CTSH: variants seen among roughly 807,000 people sequenced by gnomAD.
CTSH encodes the protein pro-cathepsin H.
Under a neutral mutation model 56.3 loss-of-function variants are expected in CTSH, and 52 were observed. That is an observed-to-expected ratio of 0.92 (90% CI 0.74 to 1.16). The LOEUF is 1.16. Ranked by LOEUF, CTSH falls within the 50% of genes most tolerant of loss-of-function variation. The probability of loss-of-function intolerance (pLI) is 0.00; values close to 1 mark genes in which losing one functional copy is unlikely to be tolerated. For missense variants in CTSH, 406 were observed against 424.5 expected, an observed-to-expected ratio of 0.96 and a Z score of 0.38; for synonymous variants, 174 against 155.7, an observed-to-expected ratio of 1.12 and a Z score of -0.88.
At position 78,937,184 on chromosome 15, in the gene CTSH, A is replaced by T. The variant is rs921101127; in HGVS notation, c.229+134T>A. On this transcript the variant is annotated intron_variant, in intron 3 of 11. Transcript: ENST00000220166. Reference sequence around the variant, plus strand: ...CACAGAGAGTAACAGCGGAGCCACAATCTGAGGTCAGCCAAACACAGCTTC... The same window carrying T: ...CACAGAGAGTAACAGCGGAGCCACATTCTGAGGTCAGCCAAACACAGCTTC... The T allele has an allele frequency of 5.8e-6, 4 of 687,426 alleles. No homozygotes were observed. In the African/African-American group the frequency reaches 7.2e-5, roughly 12 times the overall value. The allele number at this position is 687,426 out of a possible 1,614,324, so 42.6% of individuals were successfully genotyped here.
At chr15:78,939,203 C>T (rs774308252) in intron 1 of CTSH, 32 bp from the exon 2 acceptor site, 122 of 1,564,208 alleles carry the variant, frequency 7.8e-5, no homozygotes, top group Non-Finnish European at 1.0e-4. Flanking sequence ...TAGGTCTGGG[C>T]GCATCACAGT....
intron 9 of CTSH, chr15:78,927,411 C>A (rs1409490299): frequency 8.9e-6 from 4 of 449,102 alleles, no homozygotes; most frequent in Non-Finnish European, 1.6e-5. Flanking sequence ...GTGCTCATAC[C>A]CTCTTCTGCA....
intron 1 of CTSH, 29 bp downstream of exon 1, chr15:78,944,862 C>A (rs2055364093): frequency 3.2e-6 from 5 of 1,542,816 alleles, no homozygotes; most frequent in Non-Finnish European, 4.4e-6. Flanking sequence ...CCTGCTAGCA[C>A]CCTCTCGGGC....
At chr15:78,928,947 A>G (rs1224753895) in intron 8 of CTSH, among the ~76,000 whole-genome samples, 1 of 151,778 alleles carries the variant, frequency 6.6e-6, no homozygotes, top group Non-Finnish European at 1.5e-5. Context: ...TCTTGGGGAA[A>G]GACAAGGCAC....
At chr15:78,932,074 AC>A in intron 6 of CTSH, 1 of 1,256,490 alleles carries the variant, frequency 8.0e-7, no homozygotes, top group Non-Finnish European at 1.0e-6. Flanking sequence ...TTGGCTACCC[AC>A]CAGGCAGGCT....
chr15:78,934,778 T>C, intron 5 of CTSH, 200 bp downstream of exon 5: 1 of 666,460 alleles, frequency 1.5e-6, no homozygotes, highest in South Asian at 1.5e-5. Context: ...AAAGAGGAAC[T>C]TTTGCATCCT....
intron 9 of CTSH, 42 bp from the exon 10 acceptor site, chr15:78,925,482 C>A: frequency 1.5e-6 from 2 of 1,315,292 alleles, no homozygotes; most frequent in Admixed American, 3.4e-5. Flanking sequence ...GGCCTGTCAC[C>A]TCCCCACTCC....
At chr15:78,933,671 C>A (rs534453444) in intron 5 of CTSH, 5 of 325,358 alleles carry the variant, frequency 1.5e-5, no homozygotes, top group South Asian at 1.2e-4. Context: ...CTCGGCTGAC[C>A]CTTGGGTGCT....
intron 5 of CTSH, 134 bp downstream of exon 5, chr15:78,934,844 G>T (rs1187280428): frequency 1.4e-6 from 1 of 725,624 alleles, no homozygotes; most frequent in African/African-American, 1.7e-5. Context: ...AAGAGGGCTG[G>T]AGAGATGCCG....
intron 6 of CTSH, chr15:78,932,124 T>A: frequency 8.1e-7 from 1 of 1,228,252 alleles, no homozygotes; most frequent in Admixed American, 3.3e-5. Context: ...GGCTCCAGGC[T>A]GTCAAGCTAA....
intron 8 of CTSH, 41 bp from the exon 9 acceptor site, chr15:78,927,822 C>T (rs764458109): frequency 6.4e-5 from 100 of 1,566,378 alleles, no homozygotes; most frequent in Non-Finnish European, 8.4e-5. Context: ...GGTTATGGAC[C>T]CGAAGTCTCA....
intron 10 of CTSH, 47 bp from the exon 11 acceptor site, chr15:78,923,165 A>G (rs1218811902): frequency 1.2e-6 from 2 of 1,607,434 alleles, no homozygotes; most frequent in Non-Finnish European, 1.7e-6. Flanking sequence ...GAAGGATAAA[A>G]GCAATGACAG....
intron 9 of CTSH, chr15:78,927,414 C>T: frequency 2.2e-6 from 1 of 464,548 alleles, no homozygotes; most frequent in East Asian, 4.1e-5. Context: ...CTCATACCCT[C>T]TTCTGCAGGA....
chr15:78,922,376 T>C (rs2054789884), intron 11 of CTSH, among the ~76,000 whole-genome samples, 171 bp from the exon 12 acceptor site: 1 of 152,214 alleles, frequency 6.6e-6, no homozygotes, highest in Non-Finnish European at 1.5e-5. Context: ...GACCTGACTT[T>C]GTGAAGAATT....
intron 2 of CTSH, among the ~76,000 whole-genome samples, chr15:78,938,277 G>A (rs2055218046): frequency 6.6e-6 from 1 of 152,130 alleles, no homozygotes; most frequent in Non-Finnish European, 1.5e-5. Flanking sequence ...GCTGAGGCAT[G>A]AGAATCGCTT....
chr15:78,944,269 T>C (rs2055348684), intron 1 of CTSH, among the ~76,000 whole-genome samples: 1 of 152,176 alleles, frequency 6.6e-6, no homozygotes, highest in African/African-American at 2.4e-5. Context: ...GTAGACAGGA[T>C]GCAAGGGCAG....
chr15:78,930,113 C>T (rs193128367), intron 7 of CTSH, among the ~76,000 whole-genome samples: 6 of 152,346 alleles, frequency 3.9e-5, no homozygotes, highest in Admixed American at 2.0e-4. Flanking sequence ...CCAGAATGCC[C>T]GCTCTTCCAG....
In CTSH at chr15:78,937,319, T is replaced by C; in HGVS notation, c.228A>G (p.Lys76=). 1 of 1,613,262 alleles carries C rather than the reference T, an allele frequency of 6.2e-7. No homozygotes were observed. The highest frequency in any genetic ancestry group is 8.5e-7 in the Non-Finnish European group (1 of 1,179,430). The change falls in exon 3 of 12, where the codon AAA becomes AAG. Residue 76 remains lysine (K), a splice_region_variant and synonymous_variant. Transcript: ENST00000220166. The stretch of plus-strand genomic sequence containing the variant: ...AAGGAAGGAAGGCGTTCCACGTACT[T>C]TTAAATGTGTGGTTCCCATTGTTGT... ...NAHNNGNHTF[K]MALNQFSDMS... is the part of the protein sequence containing the mutation.
At chr15:78,928,752 G>A (rs1238314213) in intron 8 of CTSH, among the ~76,000 whole-genome samples, 4 of 151,976 alleles carry the variant, frequency 2.6e-5, no homozygotes, top group Non-Finnish European at 4.4e-5. Context: ...TGGAGGCCCC[G>A]GTCTGAGTGG....
Sources: gnomAD v4.1 joint callset for allele counts (sites outside exome capture counted in the v4.1 genomes callset) on GRCh38, gnomAD v4.1.1 for gene constraint, MANE v1.5 for transcripts, NCBI Gene and HGNC (gene_info 2026-07-23, HGNC 2026-07-21) for gene names.